Variants in FAM227B observed in about 807,000 individuals in gnomAD.
The protein encoded by FAM227B is family with sequence similarity 227 member B.
In FAM227B, 88 loss-of-function variants were observed where a neutral mutation model predicts 73.8. That is an observed-to-expected ratio of 1.19 (90% CI 1.00 to 1.42). The LOEUF (loss-of-function observed/expected upper bound fraction) is 1.42, where lower values mean the gene tolerates loss of function less well. Among genes scored for constraint, FAM227B ranks in the 40% most tolerant of loss-of-function variants. FAM227B has a pLI of 0.00. For missense variants in FAM227B, 632 were observed against 590.9 expected (o/e 1.07, Z -0.72); for synonymous variants, 210 against 190.5 (o/e 1.10, Z -0.84).
chr15:49,479,054 G>C (rs949137829), intron 11 of FAM227B, among the ~76,000 whole-genome samples: 1 of 152,100 alleles, frequency 6.6e-6, no homozygotes, highest in African/African-American at 2.4e-5. Context: ...AAAAGGTTTA[G>C]ATAAATTCAT....
At chr15:49,483,343 T>C (rs1264259558) in intron 11 of FAM227B, 2 of 690,366 alleles carry the variant, frequency 2.9e-6, no homozygotes, top group Non-Finnish European at 5.1e-6. Flanking sequence ...ATGGAATTAA[T>C]TTATCTCCAA....
At chr15:49,390,289 T>C (rs995415735) in intron 11 of FAM227B, among the ~76,000 whole-genome samples, 24 of 152,020 alleles carry the variant, frequency 1.6e-4, no homozygotes, top group African/African-American at 5.8e-4. Context: ...CCCCATCTTA[T>C]ATGCAATGGA....
At chr15:49,540,778 T>G (rs1265617591) in intron 10 of FAM227B, among the ~76,000 whole-genome samples, 1 of 152,210 alleles carries the variant, frequency 6.6e-6, no homozygotes. Flanking sequence ...CCCTTCATCA[T>G]GTCCTTTTCT....
intron 11 of FAM227B, among the ~76,000 whole-genome samples, chr15:49,507,844 TA>T (rs2058694700): frequency 6.6e-6 from 1 of 151,960 alleles, no homozygotes; most frequent in African/African-American, 2.4e-5. Context: ...TAATCTTAGT[TA>T]AGTCTTCACA....
chr15:49,550,091 C>T lies in FAM227B; in HGVS notation c.748-8285G>A, dbSNP rs532211695. Among the ~76,000 whole-genome samples the T allele has an allele frequency of 3.1e-3, 389 of 123,766 alleles. 14 individuals are homozygous for T. The highest frequency in any genetic ancestry group is 4.7e-3 in the Middle Eastern group (1 of 212). 81.2% of individuals were successfully genotyped at this position (123,766 alleles called of 152,430 possible). A position where few individuals can be genotyped will look rare whatever the true frequency, so the allele number is the denominator to read the frequency against. On this transcript the variant is annotated intron_variant, in intron 9 of 15. Coordinates refer to ENST00000299338, the MANE Select transcript of FAM227B (RefSeq NM_152647.3). ...CCCCCACCTCCCTCCTGGACGGGGG[C>T]GGCTGGCCGGGCAGGGGGCTGACCC...
At chr15:49,539,638 T>C (rs1045743271) in intron 10 of FAM227B, among the ~76,000 whole-genome samples, 2 of 152,198 alleles carry the variant, frequency 1.3e-5, no homozygotes, top group Admixed American at 6.5e-5. Flanking sequence ...CTCAGGAATC[T>C]GAGGTGGTGT....
At chr15:49,335,146 T>G (rs995575649) in intron 14 of FAM227B, among the ~76,000 whole-genome samples, 1 of 152,148 alleles carries the variant, frequency 6.6e-6, no homozygotes, top group African/African-American at 2.4e-5. Flanking sequence ...CAGTCTCCAT[T>G]CCCTGGAGCT....
chr15:49,501,288 T>C (rs1450496410), intron 11 of FAM227B, among the ~76,000 whole-genome samples: 1 of 152,158 alleles, frequency 6.6e-6, no homozygotes, highest in Admixed American at 6.6e-5. Flanking sequence ...TAAATGGTTG[T>C]GGTCAAAATG....
chr15:49,403,809 T>C (rs2048337437), intron 11 of FAM227B, among the ~76,000 whole-genome samples: 2 of 152,148 alleles, frequency 1.3e-5, no homozygotes, highest in Non-Finnish European at 1.5e-5. Context: ...AGCTTTGGGG[T>C]TGGTTTTCTC....
chr15:49,353,613 G>T (rs1276066943), intron 13 of FAM227B: 1 of 127,646 alleles, frequency 7.8e-6, no homozygotes, highest in Admixed American at 7.5e-5. Context: ...GGAAAATAAG[G>T]GTTTTTTTTT....
At chr15:49,581,196 C>T (rs998000956) in intron 5 of FAM227B, among the ~76,000 whole-genome samples, 5 of 151,828 alleles carry the variant, frequency 3.3e-5, no homozygotes, top group East Asian at 1.9e-4. Flanking sequence ...AAGGTTGACA[C>T]GAAAGAAAAA....
chr15:49,567,143 TGAA>T (rs1487738624), intron 9 of FAM227B, among the ~76,000 whole-genome samples: 2 of 152,178 alleles, frequency 1.3e-5, no homozygotes, highest in Non-Finnish European at 2.9e-5. Flanking sequence ...ATAGGCTAAC[TGAA>T]AGAATATGGG....
At chr15:49,359,918 T>G (rs74908341) in intron 13 of FAM227B, among the ~76,000 whole-genome samples, 57,687 of 143,144 alleles carry the variant, frequency 0.4, 11,871 homozygotes, top group African/African-American at 0.43. Flanking sequence ...CATAAAAAAT[T>G]ATGAGTTCAT....
chr15:49,498,122 A>G (rs944344135), intron 11 of FAM227B, among the ~76,000 whole-genome samples: 2 of 152,256 alleles, frequency 1.3e-5, no homozygotes, highest in African/African-American at 4.8e-5. Context: ...TACAATACTT[A>G]TTCTACAATG....
chr15:49,398,065 G>C (rs986533442), intron 11 of FAM227B, among the ~76,000 whole-genome samples: 1 of 152,134 alleles, frequency 6.6e-6, no homozygotes, highest in Non-Finnish European at 1.5e-5. Context: ...ATTGGATAAA[G>C]AGTCAAGACC....
intron 11 of FAM227B, chr15:49,486,334 T>C (rs1457790502): frequency 3.3e-5 from 5 of 151,948 alleles, no homozygotes. Context: ...GGAGAGAGCA[T>C]GAATGGTATT....
At chr15:49,460,571 C>T (rs950846656) in intron 11 of FAM227B, among the ~76,000 whole-genome samples, 1 of 152,074 alleles carries the variant, frequency 6.6e-6, no homozygotes, top group African/African-American at 2.4e-5. Flanking sequence ...ACCAAATATT[C>T]GAGGTGGGAG....
intron 3 of FAM227B, among the ~76,000 whole-genome samples, chr15:49,596,481 GAAAACAAAAC>G (rs57026759): frequency 6.6e-6 from 1 of 150,696 alleles, no homozygotes; most frequent in East Asian, 2.0e-4. Context: ...AACAAATCTT[GAAAACAAAAC>G]AAAACAAAAC....
In FAM227B at chr15:49,568,296, A is replaced by G. The variant is rs1282823731; in HGVS notation, c.696T>C (p.Tyr232=). The G allele has an allele frequency of 1.2e-6, 2 of 1,611,668 alleles. No homozygotes were observed. Among genetic ancestry groups the G allele is most frequent in the Non-Finnish European group, 1.7e-6 (2 of 1,178,898 alleles). Residue 232 remains tyrosine, a synonymous_variant, in exon 9 of 16, where the codon TAT becomes TAC. Coordinates refer to ENST00000299338, the MANE Select transcript of FAM227B (RefSeq NM_152647.3). ...GAGGTATGCTCATGAAAAGTGTCAC[A>G]TAACTTTCTGAAATTCTATCGAATA... The part of the protein sequence containing the change: ...DCLFDRISES[Y]VTLFMSIPLS...
Sources: allele counts gnomAD v4.1 joint callset (sites outside exome capture counted in the v4.1 genomes callset), GRCh38; gene constraint gnomAD v4.1.1; transcripts MANE v1.5; gene names NCBI Gene and HGNC (gene_info 2026-07-23, HGNC 2026-07-21).